The following SRGAP2C variants were observed in gnomAD, a reference collection of about 807,000 sequenced individuals.
The protein encoded by SRGAP2C is SLIT-ROBO Rho GTPase activating protein 2C.
A neutral mutation model predicts 25.1 loss-of-function variants in SRGAP2C; 15 were observed. That is an observed-to-expected ratio of 0.60 (90% confidence interval 0.40 to 0.92). The LOEUF (loss-of-function observed/expected upper bound fraction) is 0.92, where lower values mean the gene tolerates loss of function less well. SRGAP2C is among the 40% of genes least tolerant of loss of function. The pLI is 0.00. For missense variants in SRGAP2C, 144 were observed against 264.4 expected (o/e 0.54, Z 3.16); for synonymous variants, 44 against 96.6 (o/e 0.46, Z 3.19).
chr1:121,348,632 C>A (rs1391103935), intron 4 of SRGAP2C, among the ~76,000 whole-genome samples: 11 of 149,470 alleles, frequency 7.4e-5, no homozygotes, highest in Non-Finnish European at 1.2e-4. Flanking sequence ...GGCCTTTCTT[C>A]CCCCTGTCTT....
At chr1:121,196,913 T>C (rs1654841922) in intron 2 of SRGAP2C, among the ~76,000 whole-genome samples, 1 of 150,674 alleles carries the variant, frequency 6.6e-6, no homozygotes, top group Admixed American at 6.6e-5. Context: ...ACACTGTATC[T>C]TGCACAATGT....
intron 2 of SRGAP2C, among the ~76,000 whole-genome samples, chr1:121,222,027 G>A (rs1381742616): frequency 6.6e-6 from 1 of 151,996 alleles, no homozygotes; most frequent in African/African-American, 2.4e-5. Flanking sequence ...CTGCTTGCCT[G>A]AGCTAGAAAT....
chr1:121,385,658 C>G (rs1553356219), intron 8 of SRGAP2C, among the ~76,000 whole-genome samples: 1 of 152,140 alleles, frequency 6.6e-6, no homozygotes, highest in African/African-American at 2.4e-5. Flanking sequence ...CCAGATGTCT[C>G]TCTGCAGACA....
intron 3 of SRGAP2C, among the ~76,000 whole-genome samples, chr1:121,291,125 G>T (rs1231407271): frequency 7.9e-6 from 1 of 127,040 alleles, no homozygotes; most frequent in Non-Finnish European, 1.7e-5. Context: ...AAAAAAAAAA[G>T]TGGGGGGAGT....
chr1:121,222,656 A>G lies in SRGAP2C; in HGVS notation c.67+35143A>G, dbSNP rs1284580689. Among the ~76,000 whole-genome samples the G allele has an allele frequency of 3.9e-4, 60 of 152,308 alleles. 1 individual carries two copies. The highest frequency in any genetic ancestry group is 1.4e-3 in the African/African-American group (58 of 41,556). On this transcript the variant is annotated intron_variant, in intron 2 of 9. Transcript: ENST00000367123. Reference sequence around the variant, plus strand: ...ACAAGCTAACAAAAAAACCCCTAAAAAACAAAAGAAATGGGTTTGAGAGAG... The same window carrying G: ...ACAAGCTAACAAAAAAACCCCTAAAGAACAAAAGAAATGGGTTTGAGAGAG...
intron 4 of SRGAP2C, among the ~76,000 whole-genome samples, chr1:121,339,189 G>C (rs1300903228): frequency 4.7e-5 from 7 of 150,174 alleles, no homozygotes; most frequent in Admixed American, 4.0e-4. Context: ...TCATATAGCA[G>C]TCTGTAGTCT....
At chr1:121,370,618 G>T (rs1333909602) in intron 5 of SRGAP2C, among the ~76,000 whole-genome samples, 7 of 151,608 alleles carry the variant, frequency 4.6e-5, no homozygotes, top group African/African-American at 1.7e-4. Context: ...ATTTATTTTT[G>T]TATTTTTAGT....
chr1:121,288,989 A>G (rs1327931901), intron 3 of SRGAP2C, among the ~76,000 whole-genome samples: 3 of 144,038 alleles, frequency 2.1e-5, no homozygotes, highest in Non-Finnish European at 3.0e-5. Context: ...TCCCTGAGCT[A>G]CATATAAAGA....
intron 3 of SRGAP2C, among the ~76,000 whole-genome samples, chr1:121,287,648 G>A (rs1358553190): frequency 1.2e-4 from 18 of 152,300 alleles, no homozygotes; most frequent in East Asian, 3.9e-4. Context: ...TCTTGTGTCC[G>A]GAATTGGTGG....
chr1:121,372,969 A>T (rs1304327119), intron 5 of SRGAP2C, among the ~76,000 whole-genome samples: 1 of 95,854 alleles, frequency 1.0e-5, no homozygotes, highest in African/African-American at 3.9e-5. Flanking sequence ...ATGGCATCAC[A>T]CTTTCAGCAC....
chr1:121,392,026 G>A lies in SRGAP2C; in HGVS notation c.*4171G>A, dbSNP rs1660107433. On this transcript the variant is annotated 3_prime_UTR_variant, in exon 10 of 10. Transcript: ENST00000367123. The stretch of plus-strand genomic sequence containing the variant: ...CAGCAAAGAGATAACAAATTCTGGA[G>A]TGGAAAACTACAATGATAAAAATTT... The A allele has an allele frequency of 6.6e-6, 1 of 152,060 alleles. No individual in the cohort carries two copies. The highest frequency in any genetic ancestry group is 1.5e-5 in the Non-Finnish European group (1 of 67,972). The allele number at this position is 152,060 out of a possible 1,614,324, so 9.4% of individuals were successfully genotyped here.
intron 4 of SRGAP2C, among the ~76,000 whole-genome samples, chr1:121,336,087 C>G: frequency 6.6e-6 from 1 of 151,858 alleles, no homozygotes; most frequent in Non-Finnish European, 1.5e-5. Context: ...ATGGGAAACC[C>G]AAGATGTTTA....
intron 4 of SRGAP2C, among the ~76,000 whole-genome samples, chr1:121,329,334 T>C (rs1658386084): frequency 6.6e-6 from 1 of 151,500 alleles, no homozygotes; most frequent in African/African-American, 2.4e-5. Context: ...CTAAGTATGT[T>C]GTACAGAGAA....
intron 2 of SRGAP2C, among the ~76,000 whole-genome samples, chr1:121,211,428 C>A (rs1257261121): frequency 7.8e-6 from 1 of 127,490 alleles, no homozygotes; most frequent in Non-Finnish European, 1.6e-5. Context: ...CACACACACA[C>A]ACACACACAC....
intron 2 of SRGAP2C, among the ~76,000 whole-genome samples, chr1:121,253,830 C>CT (rs1656390602): frequency 6.7e-6 from 1 of 148,768 alleles, no homozygotes; most frequent in African/African-American, 2.4e-5. Context: ...AGAACATACC[C>CT]AGAAATAATG....
At chr1:121,359,472 ATCT>A (rs1659135792) in intron 4 of SRGAP2C, among the ~76,000 whole-genome samples, 1 of 151,664 alleles carries the variant, frequency 6.6e-6, no homozygotes, top group Admixed American at 6.6e-5. Flanking sequence ...GAGACTCCAT[ATCT>A]GAAAACAATT....
chr1:121,244,486 CT>C (rs1381976812), intron 2 of SRGAP2C, among the ~76,000 whole-genome samples: 1 of 116,160 alleles, frequency 8.6e-6, no homozygotes, highest in African/African-American at 3.5e-5. Context: ...AATCATTTAC[CT>C]TGTTCCTAAG....
chr1:121,362,756 T>C (rs1372602032), intron 4 of SRGAP2C: 1 of 146,800 alleles, frequency 6.8e-6, no homozygotes, highest in Non-Finnish European at 1.5e-5. Flanking sequence ...CTTCACCTCC[T>C]TGGGCCTCTG....
chr1:121,383,196 A>G (rs1659872938), intron 8 of SRGAP2C, among the ~76,000 whole-genome samples: 1 of 149,508 alleles, frequency 6.7e-6, no homozygotes, highest in South Asian at 2.1e-4. Flanking sequence ...GGTTCAAACT[A>G]TGCATAGAGA....
Sources: allele counts gnomAD v4.1 joint callset (sites outside exome capture counted in the v4.1 genomes callset), GRCh38; gene constraint gnomAD v4.1.1; transcripts MANE v1.5; gene names NCBI Gene and HGNC (gene_info 2026-07-23, HGNC 2026-07-21).